The following TRPS1 variants were observed in gnomAD, a reference collection of about 807,000 sequenced individuals.
The protein encoded by TRPS1 is transcriptional repressor GATA binding 1.
Under a neutral mutation model 101.2 loss-of-function variants are expected in TRPS1, and 6 were observed. The ratio of observed to expected loss-of-function variants is 0.06; its 90% CI spans 0.03 to 0.12. The LOEUF is 0.12. Ranked by LOEUF, TRPS1 falls within the 10% of genes least tolerant of loss-of-function variation. The pLI, the probability that TRPS1 is intolerant of heterozygous loss-of-function variation, is 1.00. For missense variants in TRPS1, 1,363 were observed against 1,567.0 expected (o/e 0.87, Z 2.20); for synonymous variants, 578 against 589.8 (o/e 0.98, Z 0.29).
At chr8:115,500,742 T>G (rs901052567) in intron 5 of TRPS1, among the ~76,000 whole-genome samples, 1 of 151,944 alleles carries the variant, frequency 6.6e-6, no homozygotes, top group Non-Finnish European at 1.5e-5. Context: ...GCTAATTTTT[T>G]TGTGTGTGTT....
At chr8:115,429,879 T>C (rs778671383) in intron 5 of TRPS1, among the ~76,000 whole-genome samples, 4 of 152,162 alleles carry the variant, frequency 2.6e-5, no homozygotes, top group Non-Finnish European at 5.9e-5. Flanking sequence ...TTACCCACAA[T>C]TATTTTTTAA....
intron 5 of TRPS1, among the ~76,000 whole-genome samples, chr8:115,420,976 G>C (rs1260199307): frequency 1.3e-5 from 2 of 151,566 alleles, no homozygotes; most frequent in East Asian, 3.9e-4. Context: ...TACAGTGTGA[G>C]CTACTGTGAT....
chr8:115,497,358 G>A (rs1032233852), intron 5 of TRPS1, among the ~76,000 whole-genome samples: 1 of 152,212 alleles, frequency 6.6e-6, no homozygotes, highest in African/African-American at 2.4e-5. Context: ...TGATCTGATA[G>A]GAGGCGGAGC....
chr8:115,414,053 T>G lies in TRPS1; in HGVS notation c.3855A>C (p.Gln1285His), dbSNP rs1335170890. Residue 1285 changes from glutamine (Q) to histidine (H), a missense_variant, in exon 7 of 7, where the codon CAA becomes CAC. Coordinates refer to ENST00000395715, the MANE Select transcript of TRPS1 (RefSeq NM_014112.5). This position sits in a 1 kb window ranked among gnomAD's most constrained non-coding sequence, Gnocchi z 4.8. ...CTTTAGGTTTTCCATTTTTTTCCACTTGTGCATTGTTCCTATGCAGGCCCC... is the reference window on the plus strand; with the variant it reads ...CTTTAGGTTTTCCATTTTTTTCCACGTGTGCATTGTTCCTATGCAGGCCCC... ...IQRGLHRNNA[Q>H]VEKNGKPKE The G allele has an allele frequency of 1.9e-6, 3 of 1,613,792 alleles. No homozygotes were observed. Among genetic ancestry groups the G allele is most frequent in the South Asian group, 2.2e-5 (2 of 91,070 alleles).
intron 1 of TRPS1, among the ~76,000 whole-genome samples, chr8:115,634,859 T>C (rs1188286949): frequency 6.6e-6 from 1 of 151,086 alleles, no homozygotes; most frequent in African/African-American, 2.4e-5. Flanking sequence ...TACCATCTTC[T>C]TAGGTTAAAA....
chr8:115,562,777 G>C (rs1483500351), intron 5 of TRPS1, among the ~76,000 whole-genome samples: 1 of 151,832 alleles, frequency 6.6e-6, no homozygotes, highest in East Asian at 1.9e-4. Flanking sequence ...TATCAAAGGA[G>C]AGATCAAAGG....
At chr8:115,454,864 A>T (rs1813976729) in intron 5 of TRPS1, among the ~76,000 whole-genome samples, 1 of 152,012 alleles carries the variant, frequency 6.6e-6, no homozygotes, top group Non-Finnish European at 1.5e-5. Flanking sequence ...CCATTCCTCA[A>T]ATTTTTCATA....
intron 5 of TRPS1, among the ~76,000 whole-genome samples, chr8:115,489,982 CTT>C (rs1247895031): frequency 6.6e-5 from 10 of 152,104 alleles, no homozygotes; most frequent in Non-Finnish European, 1.5e-4. Context: ...CTCAATGTCT[CTT>C]TTTTAGCTAA....
At chr8:115,546,767 T>C (rs1394879462) in intron 5 of TRPS1, among the ~76,000 whole-genome samples, 1 of 152,214 alleles carries the variant, frequency 6.6e-6, no homozygotes, top group Non-Finnish European at 1.5e-5. Context: ...ACATAACTCT[T>C]CATTACTGTG....
At chr8:115,545,811 G>A (rs1197688827) in intron 5 of TRPS1, among the ~76,000 whole-genome samples, 1 of 151,968 alleles carries the variant, frequency 6.6e-6, no homozygotes, top group African/African-American at 2.4e-5. Context: ...TAGGACAAAT[G>A]GCTTCATTGT....
At chr8:115,490,586 C>G (rs1000533870) in intron 5 of TRPS1, among the ~76,000 whole-genome samples, 1 of 152,068 alleles carries the variant, frequency 6.6e-6, no homozygotes, top group Admixed American at 6.6e-5. Context: ...CAATACATTT[C>G]GATCTTTTAT....
At chr8:115,531,363 T>G (rs1816127861) in intron 5 of TRPS1, among the ~76,000 whole-genome samples, 2 of 152,166 alleles carry the variant, frequency 1.3e-5, no homozygotes, top group African/African-American at 2.4e-5. Context: ...CTAGACAGAC[T>G]AGCAAATTCA....
chr8:115,530,740 T>C (rs9643105), intron 5 of TRPS1, among the ~76,000 whole-genome samples: 103,426 of 151,984 alleles, frequency 0.68, 36,756 homozygotes, highest in African/African-American at 0.88. Flanking sequence ...CCATGGAATA[T>C]TATGCAGCCA....
At chr8:115,519,260 A>C (rs747528735) in intron 5 of TRPS1, among the ~76,000 whole-genome samples, 27 of 151,768 alleles carry the variant, frequency 1.8e-4, no homozygotes, top group Non-Finnish European at 3.0e-4. Flanking sequence ...ACTAAGTAGA[A>C]ACACATCCTT....
chr8:115,482,799 T>A (rs1022653185), intron 5 of TRPS1, among the ~76,000 whole-genome samples: 4 of 152,186 alleles, frequency 2.6e-5, no homozygotes, highest in African/African-American at 4.8e-5. Context: ...ATAATGAGGA[T>A]CCATATCCTG....
chr8:115,554,126 C>T (rs911715518), intron 5 of TRPS1, among the ~76,000 whole-genome samples: 2 of 152,076 alleles, frequency 1.3e-5, no homozygotes, highest in African/African-American at 4.8e-5. Context: ...GTGTTTATTG[C>T]TTTCCCATTC....
intron 5 of TRPS1, among the ~76,000 whole-genome samples, chr8:115,488,739 T>C (rs975448548): frequency 6.6e-6 from 1 of 152,138 alleles, no homozygotes; most frequent in Non-Finnish European, 1.5e-5. Context: ...TAGAATCTTT[T>C]AGAGACCACA....
At chr8:115,656,203 A>G (rs548267576) in intron 1 of TRPS1, among the ~76,000 whole-genome samples, 22 of 152,300 alleles carry the variant, frequency 1.4e-4, no homozygotes, top group African/African-American at 4.8e-4. Context: ...ATATGTGCAG[A>G]GCTGTTACTT....
At chr8:115,600,649 T>A (rs572797368) in intron 4 of TRPS1, among the ~76,000 whole-genome samples, 2 of 151,970 alleles carry the variant, frequency 1.3e-5, no homozygotes, top group Non-Finnish European at 2.9e-5. Flanking sequence ...GCACTCTTGA[T>A]GAAAGGGAGA....
Sources: gnomAD v4.1 joint callset for allele counts (sites outside exome capture counted in the v4.1 genomes callset) on GRCh38, gnomAD v4.1.1 for gene constraint, Gnocchi (gnomAD v3.1) non-coding constraint, MANE v1.5 for transcripts, NCBI Gene and HGNC (gene_info 2026-07-23, HGNC 2026-07-21) for gene names.